ARHGAP24: variants seen among roughly 807,000 people sequenced by gnomAD.
ARHGAP24 encodes the protein rho GTPase-activating protein 24.
In ARHGAP24, 50 loss-of-function variants were observed where a neutral mutation model predicts 76.4. The observed-to-expected ratio is 0.65, with a 90% CI of 0.52 to 0.83. The LOEUF is 0.83. Ranked by LOEUF, ARHGAP24 falls within the 40% of genes least tolerant of loss-of-function variation. ARHGAP24 has a pLI of 0.00. For synonymous variants in ARHGAP24, 345 were observed against 323.3 expected, an observed-to-expected ratio of 1.07 and a Z score of -0.72; for missense variants, 930 against 914.2, an observed-to-expected ratio of 1.02 and a Z score of -0.22.
At chr4:85,584,453 AG>A (rs1200919561) in intron 2 of ARHGAP24, among the ~76,000 whole-genome samples, 5 of 118,688 alleles carry the variant, frequency 4.2e-5, no homozygotes, top group Admixed American at 8.6e-5. Flanking sequence ...GGGTTGGGGG[AG>A]GGGGGAGGGA....
chr4:85,882,234 G>A (rs1733298454), intron 3 of ARHGAP24, among the ~76,000 whole-genome samples: 1 of 152,074 alleles, frequency 6.6e-6, no homozygotes, highest in South Asian at 2.1e-4. Context: ...GTGAACTTGG[G>A]GAAAACATTA....
At chr4:85,716,920 G>A (rs1490565752) in intron 2 of ARHGAP24, among the ~76,000 whole-genome samples, 1 of 152,048 alleles carries the variant, frequency 6.6e-6, no homozygotes, top group African/African-American at 2.4e-5. Flanking sequence ...ATCTTGACCT[G>A]TCTCTCTTGT....
chr4:85,782,464 C>A (rs547375203), intron 3 of ARHGAP24, among the ~76,000 whole-genome samples: 1 of 152,304 alleles, frequency 6.6e-6, no homozygotes, highest in African/African-American at 2.4e-5. Context: ...TGCATGTTAG[C>A]ATTCACTGAT....
At chr4:85,543,660 A>G (rs1725796832) in intron 1 of ARHGAP24, among the ~76,000 whole-genome samples, 1 of 152,172 alleles carries the variant, frequency 6.6e-6, no homozygotes, top group South Asian at 2.1e-4. Flanking sequence ...TATTTTTTCT[A>G]ATTAATTGGA....
intron 3 of ARHGAP24, among the ~76,000 whole-genome samples, chr4:85,915,474 G>C (rs1443787596): frequency 6.6e-6 from 1 of 152,146 alleles, no homozygotes; most frequent in East Asian, 1.9e-4. Flanking sequence ...GGAATGTGCA[G>C]GTTTGTTACA....
intron 3 of ARHGAP24, among the ~76,000 whole-genome samples, chr4:85,745,143 T>C (rs1255755363): frequency 6.6e-6 from 1 of 151,950 alleles, no homozygotes; most frequent in Non-Finnish European, 1.5e-5. Flanking sequence ...GAGAAGCTTA[T>C]AAATTTAACC....
intron 8 of ARHGAP24, 79 bp from the exon 9 acceptor site, chr4:85,994,504 T>G: frequency 2.2e-6 from 3 of 1,338,176 alleles, no homozygotes; most frequent in Non-Finnish European, 2.2e-6. Context: ...CTTGAATGTG[T>G]TTCTTTAAGA....
At chr4:85,711,019 A>C (rs1473147854) in intron 2 of ARHGAP24, among the ~76,000 whole-genome samples, 3 of 152,150 alleles carry the variant, frequency 2.0e-5, no homozygotes, top group Non-Finnish European at 2.9e-5. Context: ...ATGTAGATTA[A>C]ATAAAGAAAA....
intron 3 of ARHGAP24, among the ~76,000 whole-genome samples, chr4:85,734,037 C>A (rs1725513654): frequency 6.6e-6 from 1 of 152,144 alleles, no homozygotes; most frequent in East Asian, 1.9e-4. Flanking sequence ...CACCCTACTC[C>A]TCAAAGAAAG....
intron 3 of ARHGAP24, among the ~76,000 whole-genome samples, chr4:85,870,526 A>C (rs1732467714): frequency 6.6e-6 from 1 of 152,132 alleles, no homozygotes; most frequent in Admixed American, 6.6e-5. Flanking sequence ...TGTTGTCTCA[A>C]CATTTATATG....
intron 3 of ARHGAP24, among the ~76,000 whole-genome samples, chr4:85,856,001 T>C (rs1731537729): frequency 6.6e-6 from 1 of 152,238 alleles, no homozygotes; most frequent in Admixed American, 6.5e-5. Context: ...AGTAATTTGC[T>C]AAGTGTATGT....
intron 5 of ARHGAP24, among the ~76,000 whole-genome samples, chr4:85,964,062 G>C (rs1209689879): frequency 2.6e-5 from 4 of 152,030 alleles, no homozygotes; most frequent in African/African-American, 9.7e-5. Flanking sequence ...TTGAACTTAA[G>C]CATTGTCAGT....
At chr4:85,742,726 T>C (rs1315055922) in intron 3 of ARHGAP24, among the ~76,000 whole-genome samples, 1 of 152,236 alleles carries the variant, frequency 6.6e-6, no homozygotes, top group Non-Finnish European at 1.5e-5. Flanking sequence ...TTAATGTTTA[T>C]GTATTCTCTA....
chr4:85,694,663 CTG>C (rs986929428), intron 2 of ARHGAP24, among the ~76,000 whole-genome samples: 8 of 151,392 alleles, frequency 5.3e-5, no homozygotes, highest in Middle Eastern at 3.4e-3. Flanking sequence ...CCTCCACCCT[CTG>C]TGTGTGTGTG....
intron 3 of ARHGAP24, among the ~76,000 whole-genome samples, chr4:85,784,038 C>T (rs1727688599): frequency 6.6e-6 from 1 of 152,124 alleles, no homozygotes; most frequent in South Asian, 2.1e-4. Flanking sequence ...TTTGTTTCTT[C>T]TCCCTTGCCT....
intron 2 of ARHGAP24, among the ~76,000 whole-genome samples, chr4:85,710,352 C>A (rs1417006352): frequency 6.6e-6 from 1 of 151,996 alleles, no homozygotes; most frequent in Non-Finnish European, 1.5e-5. Flanking sequence ...CAAAAATCAA[C>A]TCAAAATGGA....
At chr4:85,600,575 C>G (rs1166180491) in intron 2 of ARHGAP24, among the ~76,000 whole-genome samples, 1 of 152,106 alleles carries the variant, frequency 6.6e-6, no homozygotes, top group African/African-American at 2.4e-5. Flanking sequence ...ATTAATGTGC[C>G]TTAGAGAAAT....
chr4:85,524,899 A>C (rs574486972), intron 1 of ARHGAP24, among the ~76,000 whole-genome samples: 2 of 152,296 alleles, frequency 1.3e-5, no homozygotes, highest in South Asian at 4.1e-4. Flanking sequence ...CAGCAGACTA[A>C]AACCCAACAA....
At chr4:85,647,116 TA>T (rs1721752803) in intron 2 of ARHGAP24, among the ~76,000 whole-genome samples, 1 of 152,090 alleles carries the variant, frequency 6.6e-6, no homozygotes, top group African/African-American at 2.4e-5. Context: ...GGACATTTTC[TA>T]GTAGCTGAAA....
Sources: allele counts gnomAD v4.1 joint callset (sites outside exome capture counted in the v4.1 genomes callset), GRCh38; gene constraint gnomAD v4.1.1; transcripts MANE v1.5; gene names NCBI Gene and HGNC (gene_info 2026-07-23, HGNC 2026-07-21).